SF3B3: variants seen among roughly 807,000 people sequenced by gnomAD.
SF3B3 encodes the protein SAP 130.
Under a neutral mutation model 139.2 loss-of-function variants are expected in SF3B3, and 33 were observed. The ratio of observed to expected loss-of-function variants is 0.24; its 90% CI spans 0.18 to 0.32. The LOEUF is 0.32. Ranked by LOEUF, SF3B3 falls within the 10% of genes least tolerant of loss-of-function variation. SF3B3 has a pLI of 1.00. For missense variants in SF3B3, 818 were observed against 1,509.4 expected, an observed-to-expected ratio of 0.54 and a Z score of 7.59; for synonymous variants, 596 against 563.6, an observed-to-expected ratio of 1.06 and a Z score of -0.81.
chr16:70,537,476 G>A (rs2050179661), intron 6 of SF3B3, among the ~76,000 whole-genome samples: 1 of 152,112 alleles, frequency 6.6e-6, no homozygotes, highest in Non-Finnish European at 1.5e-5. Context: ...ATCATTTACT[G>A]CCATCTCTCC....
At chr16:70,552,234 TTTG>T (rs1297424727) in intron 11 of SF3B3, among the ~76,000 whole-genome samples, 1 of 152,250 alleles carries the variant, frequency 6.6e-6, no homozygotes. Flanking sequence ...GTTACAGCCT[TTTG>T]TTGTTTGGCT....
intron 11 of SF3B3, among the ~76,000 whole-genome samples, chr16:70,553,350 G>T (rs1019582556): frequency 8.5e-5 from 13 of 152,152 alleles, no homozygotes; most frequent in Non-Finnish European, 1.8e-4. Flanking sequence ...CTTCATGTGG[G>T]TGGGTGGGTG....
chr16:70,566,113 C>CA (rs112893145), intron 20 of SF3B3, among the ~76,000 whole-genome samples: 11,017 of 117,558 alleles, frequency 0.094, 1,371 homozygotes, highest in African/African-American at 0.3. Flanking sequence ...GTGAGACTGT[C>CA]AAAAAAAAAA....
In SF3B3 at chr16:70,555,123, A is replaced by G. The variant is rs1469818284; in HGVS notation, c.1627A>G (p.Thr543Ala). Residue 543 changes from threonine (T) to alanine (A), a missense_variant, in exon 13 of 26, where the codon ACA (threonine) becomes GCA (alanine). This residue lies in a region of SF3B3 where 170 missense variants were observed against 353.0 expected (regional missense o/e 0.48). Coordinates refer to ENST00000302516, the MANE Select transcript of SF3B3 (RefSeq NM_012426.5). ...VNEWKTPGKK[T>A]IVKCAVNQRQ... ...TGAGTGGAAGACCCCTGGAAAGAAA[A>G]CAATTGTGAAGTGTGCAGTGAACCA... 2 of 1,614,048 alleles carry G rather than the reference A, an allele frequency of 1.2e-6. No homozygotes were observed. The highest frequency in any genetic ancestry group is 1.1e-5 in the South Asian group (1 of 91,092).
chr16:70,549,539 G>A (rs1032906214), intron 11 of SF3B3, among the ~76,000 whole-genome samples: 4 of 152,178 alleles, frequency 2.6e-5, no homozygotes, highest in African/African-American at 7.2e-5. Context: ...TGAAAGCATT[G>A]CCTAGACTGT....
intron 20 of SF3B3, among the ~76,000 whole-genome samples, chr16:70,566,683 A>G (rs1430199372): frequency 6.6e-6 from 1 of 152,200 alleles, no homozygotes; most frequent in Non-Finnish European, 1.5e-5. Context: ...CAACCCTACC[A>G]TAAGGGGAGT....
intron 15 of SF3B3, among the ~76,000 whole-genome samples, chr16:70,559,256 G>C (rs2151790850): frequency 6.6e-6 from 1 of 152,248 alleles, no homozygotes; most frequent in East Asian, 1.9e-4. Context: ...TCATTTCTTT[G>C]CTTACTATAA....
Position 70,561,625 on chromosome 16 carries a change from C to T in SF3B3, c.2134-5C>T, listed in dbSNP as rs1567422689. Reference sequence around the variant, plus strand: ...ATTGGAGCTGGGTTTTTTTTTTCCCCTCAGGTATTGGCCATGTCAAGCCGC... The same window carrying T: ...ATTGGAGCTGGGTTTTTTTTTTCCCTTCAGGTATTGGCCATGTCAAGCCGC... On this transcript the variant is annotated splice_region_variant and splice_polypyrimidine_tract_variant and intron_variant, in intron 16 of 25. Transcript: ENST00000302516. 5 of 1,605,486 alleles carry T rather than the reference C, an allele frequency of 3.1e-6. No homozygotes were observed. The highest frequency in any genetic ancestry group is 3.5e-5 in the Admixed American group (2 of 57,684).
intron 1 of SF3B3, 119 bp downstream of exon 1, chr16:70,524,047 C>T (rs1407218439): frequency 2.5e-6 from 1 of 399,028 alleles, no homozygotes; most frequent in African/African-American, 2.1e-5. Flanking sequence ...GGCTGGGGAC[C>T]AGGAGGAGGT....
intron 21 of SF3B3, 63 bp from the exon 22 acceptor site, chr16:70,568,220 C>A: frequency 1.6e-6 from 2 of 1,284,358 alleles, no homozygotes; most frequent in Non-Finnish European, 2.3e-6. Context: ...GAAAGCTGGG[C>A]TTTCTTTGGG....
Position 70,523,861 on chromosome 16 carries a change from G to A in SF3B3, c.-138G>A, listed in dbSNP as rs2050017164. On this transcript the variant is annotated 5_prime_UTR_variant, in exon 1 of 26. Coordinates refer to ENST00000302516, the MANE Select transcript of SF3B3 (RefSeq NM_012426.5). ...TGGCGGACGCCAGTATGTTGGAGTTGGTGGTGGCTTAAGTTTTGAAGGGAG... is the reference window on the plus strand; with the variant it reads ...TGGCGGACGCCAGTATGTTGGAGTTAGTGGTGGCTTAAGTTTTGAAGGGAG... 8.0e-6 allele frequency: 4 copies of A among 502,894 alleles called. No homozygotes were observed. The highest frequency in any genetic ancestry group is 3.2e-5 in the East Asian group (1 of 31,298). 31.2% of individuals were successfully genotyped at this position (502,894 alleles called of 1,614,324 possible). A position where few individuals can be genotyped will look rare whatever the true frequency, so the allele number is the denominator to read the frequency against.
chr16:70,542,010 C>T (rs1323391157), intron 9 of SF3B3, among the ~76,000 whole-genome samples, 176 bp downstream of exon 9: 1 of 152,104 alleles, frequency 6.6e-6, no homozygotes, highest in African/African-American at 2.4e-5. Context: ...CCCATAATGA[C>T]AAAACTCACG....
intron 21 of SF3B3, 56 bp from the exon 22 acceptor site, chr16:70,568,227 T>C: frequency 3.7e-6 from 5 of 1,347,760 alleles, no homozygotes; most frequent in Non-Finnish European, 5.3e-6. Context: ...GGGCTTTCTT[T>C]GGGTTCTGAA....
chr16:70,539,075 G>A (rs761189120), intron 7 of SF3B3, 29 bp from the exon 8 acceptor site: 2 of 1,501,414 alleles, frequency 1.3e-6, no homozygotes, highest in Non-Finnish European at 1.9e-6. Flanking sequence ...CACTTTGTTT[G>A]TACACCAGAA....
At chr16:70,525,029 T>A (rs2050042515) in intron 1 of SF3B3, 1 of 150,330 alleles carries the variant, frequency 6.7e-6, no homozygotes, top group East Asian at 2.0e-4. Context: ...TATGTATTTT[T>A]TGTTTGTTTG....
At chr16:70,528,211 C>T (rs1423865607) in intron 2 of SF3B3, among the ~76,000 whole-genome samples, 5 of 133,982 alleles carry the variant, frequency 3.7e-5, no homozygotes, top group African/African-American at 5.7e-5. Flanking sequence ...GTTGCCCAGG[C>T]TGGAGTACAG....
rs886633282 is a variant in SF3B3 at position 70,575,589 on chromosome 16, C to T, written c.*3776C>T. On this transcript the variant is annotated 3_prime_UTR_variant, in exon 26 of 26. Coordinates refer to ENST00000302516, the MANE Select transcript of SF3B3 (RefSeq NM_012426.5). The stretch of plus-strand genomic sequence containing the variant: ...CCACAAACGTTTACTGGGCACCTAC[C>T]ATGAACCACCACCTCCCAGCTCTGT... 1.1e-4 allele frequency: 17 copies of T among 152,280 alleles called. No individual in the cohort carries two copies. Among genetic ancestry groups the T allele is most frequent in the Admixed American group, 1.0e-3 (16 of 15,268 alleles). The allele number at this position is 152,280 out of a possible 1,614,324, so 9.4% of individuals were successfully genotyped here. A position where few individuals can be genotyped will look rare whatever the true frequency, so the allele number is the denominator to read the frequency against.
At chr16:70,555,440 C>CTG in intron 13 of SF3B3, among the ~76,000 whole-genome samples, 1 of 141,810 alleles carries the variant, frequency 7.1e-6, no homozygotes, top group Admixed American at 7.5e-5. Flanking sequence ...GATTGCACCA[C>CTG]TGCACTCCAG....
rs751148409 is a variant in SF3B3, at chr16:70,561,775, A to G, written c.2279A>G (p.Asn760Ser). 6.2e-7 allele frequency: 1 copy of G among 1,613,990 alleles called. No individual in the cohort carries two copies. ...CPEGIVAIST[N>S]TLRILALEKL... ...GAGGGCATTGTGGCCATCTCCACCA[A>G]CACCCTACGGTGAGTGAGTCTCATG... The change falls in exon 17 of 26, where the codon AAC becomes AGC. Residue 760 changes from asparagine (N) to serine (S), a missense_variant. Physicochemically the swap from Asn to Ser is conservative, Grantham distance 46 (BLOSUM62 1). Coordinates refer to ENST00000302516, the MANE Select transcript of SF3B3 (RefSeq NM_012426.5).
Sources: allele counts gnomAD v4.1 joint callset (sites outside exome capture counted in the v4.1 genomes callset), GRCh38; gene constraint gnomAD v4.1.1; regional missense constraint gnomAD v4.1.1; transcripts MANE v1.5; gene names NCBI Gene and HGNC (gene_info 2026-07-23, HGNC 2026-07-21).